The following PDIA5 variants were observed in gnomAD, a reference collection of about 807,000 sequenced individuals.
PDIA5 encodes the protein protein disulfide-isomerase A5.
In PDIA5, 58 loss-of-function variants were observed where a neutral mutation model predicts 77.6. The ratio of observed to expected loss-of-function variants is 0.75; its 90% CI spans 0.61 to 0.93. The LOEUF (loss-of-function observed/expected upper bound fraction) is 0.93. Ranked by LOEUF, PDIA5 falls within the 40% of genes least tolerant of loss-of-function variation. The probability of loss-of-function intolerance (pLI) is 0.00; values close to 1 mark genes in which losing one functional copy is unlikely to be tolerated. For missense variants in PDIA5, 630 were observed against 647.7 expected, an observed-to-expected ratio of 0.97 and a Z score of 0.30; for synonymous variants, 250 against 252.1, an observed-to-expected ratio of 0.99 and a Z score of 0.08.
chr3:123,161,216 A>C, intron 15 of PDIA5, 105 bp from the exon 16 acceptor site: 1 of 1,261,076 alleles, frequency 7.9e-7, no homozygotes, highest in Non-Finnish European at 1.1e-6. Flanking sequence ...GAGGAGAAAA[A>C]TCAGAGTGGG....
intron 14 of PDIA5, among the ~76,000 whole-genome samples, chr3:123,154,723 GC>G (rs1935981249): frequency 6.6e-6 from 1 of 152,054 alleles, no homozygotes; most frequent in African/African-American, 2.4e-5. Flanking sequence ...AGTGACCATC[GC>G]CCCCCAGCCT....
intron 1 of PDIA5, among the ~76,000 whole-genome samples, chr3:123,083,008 C>T (rs1220621018): frequency 1.3e-5 from 2 of 152,064 alleles, no homozygotes; most frequent in East Asian, 1.9e-4. Context: ...TCTGGCCGGC[C>T]CTGAATGAGC....
chr3:123,144,180 G>A (rs1969262), intron 11 of PDIA5, among the ~76,000 whole-genome samples: 96,798 of 152,082 alleles, frequency 0.64, 31,889 homozygotes, highest in East Asian at 0.83. Flanking sequence ...AGCCGATTCC[G>A]TAGCTCAGTG....
At chr3:123,076,277 T>C (rs769395322) in intron 1 of PDIA5, among the ~76,000 whole-genome samples, 5 of 152,168 alleles carry the variant, frequency 3.3e-5, no homozygotes, top group African/African-American at 4.8e-5. Context: ...TTAGGCTTAA[T>C]CCGAGGCAAA....
intron 11 of PDIA5, among the ~76,000 whole-genome samples, chr3:123,135,114 T>C (rs1310600739): frequency 2.0e-5 from 3 of 152,202 alleles, no homozygotes; most frequent in Non-Finnish European, 4.4e-5. Context: ...TTTTTGTTTG[T>C]GTTTTTCTGC....
At chr3:123,094,871 A>C (rs1348153368) in intron 3 of PDIA5, among the ~76,000 whole-genome samples, 1 of 152,098 alleles carries the variant, frequency 6.6e-6, no homozygotes, top group East Asian at 1.9e-4. Context: ...GGTGGCTAGG[A>C]TGGGGACAGG....
At position 123,123,534 on chromosome 3, in the gene PDIA5, T is replaced by C. The variant is rs558978698; in HGVS notation, c.610-532T>C. Reference sequence around the variant, plus strand: ...ACCACACGGCCTCCCTGGCCACATATAAGCTGTGAGGTTTGGAAACGTCAC... The same window carrying C: ...ACCACACGGCCTCCCTGGCCACATACAAGCTGTGAGGTTTGGAAACGTCAC... On this transcript the variant is annotated intron_variant, in intron 8 of 16. Coordinates refer to ENST00000316218, the MANE Select transcript of PDIA5 (RefSeq NM_006810.4). Among the ~76,000 whole-genome samples the C allele has an allele frequency of 3.3e-5, 5 of 152,258 alleles. No individual in the cohort carries two copies. The East Asian group carries it at 9.7e-4, about 29-fold the overall frequency.
chr3:123,102,649 T>C (rs1934632390), intron 4 of PDIA5, 102 bp from the exon 5 acceptor site: 12 of 1,140,592 alleles, frequency 1.1e-5, no homozygotes, highest in Admixed American at 7.6e-5. Context: ...AATCCTGAAC[T>C]CCGTTCAAAA....
chr3:123,125,903 T>C (rs1048473644), intron 10 of PDIA5, among the ~76,000 whole-genome samples: 3 of 152,202 alleles, frequency 2.0e-5, no homozygotes, highest in African/African-American at 7.2e-5. Context: ...TTTGCTTTCC[T>C]GTTTTCCTTT....
intron 13 of PDIA5, among the ~76,000 whole-genome samples, chr3:123,149,564 G>A (rs1028927732): frequency 1.3e-5 from 2 of 148,834 alleles, no homozygotes; most frequent in Non-Finnish European, 3.0e-5. Context: ...GGACCCAGTG[G>A]ACAGCAAGAG....
At chr3:123,121,522 C>G (rs1348297100) in intron 8 of PDIA5, among the ~76,000 whole-genome samples, 1 of 152,186 alleles carries the variant, frequency 6.6e-6, no homozygotes, top group East Asian at 1.9e-4. Context: ...CAAAATGGCA[C>G]AAAAGTGCTA....
chr3:123,119,156 T>C (rs1935053791), intron 8 of PDIA5, among the ~76,000 whole-genome samples: 1 of 152,018 alleles, frequency 6.6e-6, no homozygotes, highest in South Asian at 2.1e-4. Flanking sequence ...CTTGGGAGGC[T>C]GAGGTGGGAG....
intron 1 of PDIA5, among the ~76,000 whole-genome samples, chr3:123,080,894 T>C (rs1414930214): frequency 6.6e-6 from 1 of 152,188 alleles, no homozygotes; most frequent in African/African-American, 2.4e-5. Flanking sequence ...GTCTATCTTA[T>C]TAGCTCCTCT....
intron 1 of PDIA5, among the ~76,000 whole-genome samples, chr3:123,081,152 A>G (rs996034729): frequency 1.1e-4 from 17 of 152,178 alleles, no homozygotes; most frequent in African/African-American, 4.1e-4. Context: ...GCCCAGGGAA[A>G]CTCAATGGTT....
chr3:123,076,977 G>A (rs1178359834), intron 1 of PDIA5, among the ~76,000 whole-genome samples: 1 of 152,188 alleles, frequency 6.6e-6, no homozygotes, highest in Non-Finnish European at 1.5e-5. Context: ...CAACATTTGT[G>A]CCATGGGGAA....
At chr3:123,137,763 C>T (rs1935534626) in intron 11 of PDIA5, among the ~76,000 whole-genome samples, 1 of 152,214 alleles carries the variant, frequency 6.6e-6, no homozygotes, top group South Asian at 2.1e-4. Context: ...CCAGAGGCCA[C>T]AGCCTAACCA....
chr3:123,156,896 C>T (rs1364355902), intron 15 of PDIA5, among the ~76,000 whole-genome samples: 1 of 152,218 alleles, frequency 6.6e-6, no homozygotes, highest in Non-Finnish European at 1.5e-5. Context: ...TGACCCACAT[C>T]AGTGCAGGTG....
At chr3:123,145,641 G>T in intron 12 of PDIA5, 49 bp downstream of exon 12, 2 of 1,484,274 alleles carry the variant, frequency 1.3e-6, no homozygotes, top group Non-Finnish European at 1.9e-6. Context: ...AAGAATCACT[G>T]ACAGGTGGAA....
intron 3 of PDIA5, among the ~76,000 whole-genome samples, chr3:123,095,689 C>T (rs1934415440): frequency 6.8e-6 from 1 of 147,242 alleles, no homozygotes; most frequent in Non-Finnish European, 1.5e-5. Flanking sequence ...GTGGAGGTTG[C>T]AGTGAGCCGA....
Sources: gnomAD v4.1 joint callset for allele counts (sites outside exome capture counted in the v4.1 genomes callset) on GRCh38, gnomAD v4.1.1 for gene constraint, MANE v1.5 for transcripts, NCBI Gene and HGNC (gene_info 2026-07-23, HGNC 2026-07-21) for gene names.